TNPO1: variants seen among roughly 807,000 people sequenced by gnomAD.
TNPO1 encodes transportin 1.
A neutral mutation model predicts 119.5 loss-of-function variants in TNPO1; 8 were observed. The ratio of observed to expected loss-of-function variants is 0.07; its 90% confidence interval spans 0.04 to 0.12. The LOEUF is 0.12. TNPO1 is among the 10% of genes least tolerant of loss of function. The pLI is 1.00. For missense variants in TNPO1, 576 were observed against 1,089.8 expected (o/e 0.53, Z 6.64); for synonymous variants, 362 against 363.0 (o/e 1.00, Z 0.03).
chr5:72,865,106 C>A (rs1338636884), intron 5 of TNPO1, among the ~76,000 whole-genome samples: 1 of 152,126 alleles, frequency 6.6e-6, no homozygotes, highest in African/African-American at 2.4e-5. Context: ...TGTATTTTAA[C>A]TGAGATTTTT....
Position 72,897,110 on chromosome 5 carries a change from T to G in TNPO1, c.2297T>G (p.Ile766Ser). ...GTGTTGCACCAGCTTGTAGAAATCA[T>G]TAACAGACCCAACACACCAAAGACG... ...PMVLHQLVEIINRPNTPKTLL... is the reference protein window; with the variant it reads ...PMVLHQLVEISNRPNTPKTLL... The change falls in exon 20 of 25, where the codon ATT becomes AGT. Residue 766 changes from isoleucine to serine, a missense_variant. Around this residue, in one of 6 missense-constraint regions of TNPO1, gnomAD observed 162 missense variants for 294.1 expected, o/e 0.55. Coordinates refer to ENST00000337273, the MANE Select transcript of TNPO1 (RefSeq NM_002270.4). The G allele has an allele frequency of 1.2e-6, 2 of 1,612,328 alleles. No homozygotes were observed. The highest frequency in any genetic ancestry group is 1.7e-6 in the Non-Finnish European group (2 of 1,179,390).
chr5:72,868,102 C>T (rs1162476304), intron 6 of TNPO1, among the ~76,000 whole-genome samples: 1 of 151,958 alleles, frequency 6.6e-6, no homozygotes, highest in Non-Finnish European at 1.5e-5. Context: ...TTTGTCTTTA[C>T]TAAGAGTTTA....
intron 1 of TNPO1, among the ~76,000 whole-genome samples, chr5:72,835,425 G>A (rs1463305329): frequency 1.3e-5 from 2 of 152,108 alleles, no homozygotes; most frequent in Non-Finnish European, 2.9e-5. Context: ...CAGCCAATTT[G>A]ATATCTAGTG....
At chr5:72,906,275 C>CTTTTCTTTTTTTTTTTTTT (rs1750152401) in intron 24 of TNPO1, among the ~76,000 whole-genome samples, 2 of 54,674 alleles carry the variant, frequency 3.7e-5, no homozygotes, top group African/African-American at 1.4e-4. Context: ...TTTTTTTTTT[C>CTTTTCTTTTTTTTTTTTTT]TTTTTTTTTT....
intron 20 of TNPO1, among the ~76,000 whole-genome samples, chr5:72,898,503 G>A (rs544673876): frequency 2.6e-5 from 4 of 152,190 alleles, no homozygotes; most frequent in South Asian, 2.1e-4. Context: ...ACAAGTGGCT[G>A]CATAAAGTAT....
chr5:72,874,807 T>A lies in TNPO1; in HGVS notation c.679-808T>A, dbSNP rs188652327. Among the ~76,000 whole-genome samples the A allele has an allele frequency of 1.1e-4, 17 of 152,334 alleles. 1 individual carries two copies. Among genetic ancestry groups the A allele is most frequent in the Admixed American group, 5.9e-4 (9 of 15,300 alleles). On this transcript the variant is annotated intron_variant, in intron 7 of 24. Coordinates refer to ENST00000337273, the MANE Select transcript of TNPO1 (RefSeq NM_002270.4). Reference sequence around the variant, plus strand: ...GGATGTTACTTAACTTTTTAAATGCTTGTTTTACTGCTTTTAATACATGTA... The same window carrying A: ...GGATGTTACTTAACTTTTTAAATGCATGTTTTACTGCTTTTAATACATGTA...
rs114135296 is a variant in TNPO1, at chr5:72,881,142, A to C, written c.921-1325A>C. ...TATTATTATTTTGAGATGGAGTCGC[A>C]CTCTGTTTCCCAGGCTGGAGTGCAG... is the stretch of plus-strand genomic sequence containing the variant. On this transcript the variant is annotated intron_variant, in intron 9 of 24. Transcript: ENST00000337273. Among the ~76,000 whole-genome samples the C allele has an allele frequency of 2.9e-3, 440 of 151,692 alleles. 8 individuals are homozygous for C. In the South Asian group the frequency reaches 0.03, roughly 10 times the overall value.
intron 5 of TNPO1, among the ~76,000 whole-genome samples, chr5:72,863,164 G>T (rs192511513): frequency 6.6e-6 from 1 of 151,996 alleles, no homozygotes; most frequent in East Asian, 1.9e-4. Flanking sequence ...TTCCAATTTG[G>T]GTAGAAATCT....
Position 72,861,990 on chromosome 5 carries a change from A to G in TNPO1, c.462+76A>G. ...ATGTTGTGTATTAGCAGCTTTTGGGAAAAATAGTTCCTCTGAAACATACAG... is the reference window on the plus strand; with the variant it reads ...ATGTTGTGTATTAGCAGCTTTTGGGGAAAATAGTTCCTCTGAAACATACAG... On this transcript the variant is annotated intron_variant, in intron 5 of 24. Transcript: ENST00000337273. 4.7e-6 allele frequency: 5 copies of G among 1,059,176 alleles called. No individual in the cohort carries two copies. The Admixed American group carries it at 5.9e-5, about 13-fold the overall frequency. The allele number at this position is 1,059,176 out of a possible 1,614,324, so 65.6% of individuals were successfully genotyped here.
At chr5:72,876,883 A>G (rs2112388415) in intron 8 of TNPO1, among the ~76,000 whole-genome samples, 1 of 152,168 alleles carries the variant, frequency 6.6e-6, no homozygotes, top group Admixed American at 6.5e-5. Flanking sequence ...TCACGAGGTC[A>G]GGAGATCGAG....
At chr5:72,868,301 G>A (rs566853376) in intron 6 of TNPO1, among the ~76,000 whole-genome samples, 6 of 151,756 alleles carry the variant, frequency 4.0e-5, no homozygotes, top group African/African-American at 1.2e-4. Flanking sequence ...GCATGGTGGC[G>A]GGCACCTGTA....
At chr5:72,896,604 T>TCAC in intron 19 of TNPO1, 48 bp downstream of exon 19, 1 of 1,476,756 alleles carries the variant, frequency 6.8e-7, no homozygotes, top group Non-Finnish European at 9.4e-7. Flanking sequence ...GCGCGGTGGC[T>TCAC]CACGCCTGTA....
intron 5 of TNPO1, among the ~76,000 whole-genome samples, chr5:72,863,350 C>G (rs967112461): frequency 5.9e-5 from 9 of 152,114 alleles, no homozygotes; most frequent in African/African-American, 2.2e-4. Flanking sequence ...GCCATGGTGG[C>G]TCACACCTGT....
intron 24 of TNPO1, among the ~76,000 whole-genome samples, chr5:72,906,301 T>A (rs1561365929): frequency 1.3e-4 from 16 of 125,932 alleles, no homozygotes; most frequent in Non-Finnish European, 3.3e-5. Context: ...TTTTTTTTTT[T>A]TTTTTTTTTT....
rs934502522 is a variant in TNPO1, at chr5:72,912,386, T to G, written c.*3713T>G. 2.0e-5 allele frequency: 3 copies of G among 152,534 alleles called. No individual in the cohort carries two copies. Among genetic ancestry groups the G allele is most frequent in the Non-Finnish European group, 2.9e-5 (2 of 67,938 alleles). 9.4% of individuals were successfully genotyped at this position (152,534 alleles called of 1,614,324 possible). A position where few individuals can be genotyped will look rare whatever the true frequency, so the allele number is the denominator to read the frequency against. On this transcript the variant is annotated 3_prime_UTR_variant, in exon 25 of 25. Transcript: ENST00000337273. ...GATCAGATGTATATTTTAAACTAAT[T>G]TCAATGGATTTTCCTCTTGAAATGC...
chr5:72,874,112 A>G (rs966319848), intron 7 of TNPO1, among the ~76,000 whole-genome samples: 2 of 152,174 alleles, frequency 1.3e-5, no homozygotes, highest in African/African-American at 4.8e-5. Flanking sequence ...CTAACATTTT[A>G]AAATATTTTG....
intron 5 of TNPO1, among the ~76,000 whole-genome samples, chr5:72,864,854 CCG>C (rs1219107128): frequency 6.6e-6 from 1 of 152,026 alleles, no homozygotes; most frequent in Non-Finnish European, 1.5e-5. Flanking sequence ...GGTAATCCAC[CCG>C]CGTCGGCCTC....
At chr5:72,898,650 G>A (rs567444226) in intron 20 of TNPO1, among the ~76,000 whole-genome samples, 11 of 152,120 alleles carry the variant, frequency 7.2e-5, no homozygotes, top group African/African-American at 1.4e-4. Flanking sequence ...TTAGTCTGCC[G>A]TTAATTTGCT....
intron 3 of TNPO1, among the ~76,000 whole-genome samples, chr5:72,854,478 A>G (rs1317343496): frequency 3.9e-5 from 6 of 152,312 alleles, no homozygotes; most frequent in East Asian, 3.9e-4. Flanking sequence ...GGGTAAAACA[A>G]TGGTTTTACA....
Sources: gnomAD v4.1 joint callset for allele counts (sites outside exome capture counted in the v4.1 genomes callset) on GRCh38, gnomAD v4.1.1 for gene constraint, gnomAD v4.1.1 regional missense constraint, MANE v1.5 for transcripts, NCBI Gene and HGNC (gene_info 2026-07-23, HGNC 2026-07-21) for gene names.